Variants in TEX26 observed in about 807,000 individuals in gnomAD.
TEX26 encodes testis expressed 26, also known as testis-expressed protein 26.
In TEX26, 34 loss-of-function variants were observed where a neutral mutation model predicts 35.3. That is an observed-to-expected ratio of 0.96 (90% CI 0.73 to 1.28). The LOEUF (loss-of-function observed/expected upper bound fraction) is 1.28, where lower values mean the gene tolerates loss of function less well. Among genes scored for constraint, TEX26 ranks in the 50% most tolerant of loss-of-function variants. TEX26 has a pLI of 0.00. For missense variants in TEX26, 371 were observed against 330.1 expected, an observed-to-expected ratio of 1.12 and a Z score of -0.96; for synonymous variants, 136 against 111.8, an observed-to-expected ratio of 1.22 and a Z score of -1.36.
chr13:30,935,742 G>GAA (rs1953250944), intron 1 of TEX26, among the ~76,000 whole-genome samples: 1 of 152,216 alleles, frequency 6.6e-6, no homozygotes, highest in South Asian at 2.1e-4. Context: ...CGGATGACCT[G>GAA]CCTACAGAGA....
intron 6 of TEX26, among the ~76,000 whole-genome samples, chr13:30,972,674 A>T (rs1247356539): frequency 6.6e-6 from 1 of 152,208 alleles, no homozygotes; most frequent in Non-Finnish European, 1.5e-5. Flanking sequence ...TCCCTCTGTC[A>T]CCCAGGCTGG....
intron 2 of TEX26, among the ~76,000 whole-genome samples, chr13:30,950,018 T>G (rs1442013118): frequency 6.6e-6 from 1 of 152,216 alleles, no homozygotes; most frequent in Non-Finnish European, 1.5e-5. Context: ...AGAATAAAAT[T>G]TAAATACTTT....
At chr13:30,967,520 C>T (rs4245314) in intron 5 of TEX26, among the ~76,000 whole-genome samples, 103,697 of 152,046 alleles carry the variant, frequency 0.68, 35,831 homozygotes, top group African/African-American at 0.8. Context: ...AATCTATGAC[C>T]CTACAAAAAC....
chr13:30,938,422 G>A (rs537888077), intron 1 of TEX26, among the ~76,000 whole-genome samples: 1 of 152,302 alleles, frequency 6.6e-6, no homozygotes, highest in Admixed American at 6.5e-5. Context: ...CAAGAGCATG[G>A]CACTGGCATT....
intron 4 of TEX26, among the ~76,000 whole-genome samples, chr13:30,957,466 A>G (rs1954181780): frequency 6.6e-6 from 1 of 152,226 alleles, no homozygotes; most frequent in Non-Finnish European, 1.5e-5. Context: ...AGGGCATTAC[A>G]GGGCATACTA....
chr13:30,975,042 T>C lies in TEX26; in HGVS notation c.*135T>C, dbSNP rs988049543. ...GTATGATGTGATAGTCATGAATTTG[T>C]GTCTTTTGCTCCGCTTTATTTTTAA... On this transcript the variant is annotated 3_prime_UTR_variant, in exon 7 of 7. Transcript: ENST00000380473. 1 of 584,196 alleles carries C rather than the reference T, an allele frequency of 1.7e-6. No individual in the cohort carries two copies. Among genetic ancestry groups the C allele is most frequent in the African/African-American group, 2.0e-5 (1 of 50,936 alleles). The allele number at this position is 584,196 out of a possible 1,614,324, so 36.2% of individuals were successfully genotyped here.
At chr13:30,966,691 G>T (rs921316836) in intron 5 of TEX26, among the ~76,000 whole-genome samples, 3 of 152,074 alleles carry the variant, frequency 2.0e-5, no homozygotes, top group Non-Finnish European at 4.4e-5. Flanking sequence ...CACCTGCCTC[G>T]GCCTCCCAAA....
chr13:30,944,836 T>G (rs958529435), intron 2 of TEX26, among the ~76,000 whole-genome samples: 2 of 152,062 alleles, frequency 1.3e-5, no homozygotes, highest in Non-Finnish European at 2.9e-5. Context: ...TGTTTAAAAT[T>G]TATTGAGACT....
chr13:30,966,818 C>A (rs1349124008), intron 5 of TEX26, among the ~76,000 whole-genome samples: 1 of 152,184 alleles, frequency 6.6e-6, no homozygotes, highest in African/African-American at 2.4e-5. Context: ...AGGGCGCTGG[C>A]AGCCCGTTTT....
intron 1 of TEX26, among the ~76,000 whole-genome samples, chr13:30,935,743 C>T (rs1308150242): frequency 2.0e-5 from 3 of 152,230 alleles, no homozygotes; most frequent in Non-Finnish European, 2.9e-5. Flanking sequence ...GGATGACCTG[C>T]CTACAGAGAG....
chr13:30,956,493 G>A (rs757771530), intron 3 of TEX26, among the ~76,000 whole-genome samples: 3 of 152,152 alleles, frequency 2.0e-5, no homozygotes, highest in Admixed American at 6.5e-5. Flanking sequence ...CTGCATGTAA[G>A]GCAGAGTTTT....
intron 1 of TEX26, among the ~76,000 whole-genome samples, chr13:30,935,405 C>A (rs543096853): frequency 1.3e-5 from 2 of 152,374 alleles, no homozygotes; most frequent in Admixed American, 6.5e-5. Flanking sequence ...ACCCATGGAC[C>A]AATCAGCATG....
intron 6 of TEX26, among the ~76,000 whole-genome samples, chr13:30,972,687 C>A (rs112035810): frequency 3.3e-5 from 5 of 152,246 alleles, no homozygotes; most frequent in African/African-American, 1.2e-4. Flanking sequence ...CAGGCTGGAG[C>A]GCAGTGGCGT....
intron 4 of TEX26, among the ~76,000 whole-genome samples, chr13:30,957,707 G>A (rs1381569681): frequency 6.6e-6 from 1 of 152,202 alleles, no homozygotes; most frequent in East Asian, 1.9e-4. Context: ...CAAGGTGGTG[G>A]CATGGGCACT....
intron 2 of TEX26, among the ~76,000 whole-genome samples, chr13:30,941,300 G>T (rs898620769): frequency 6.6e-6 from 1 of 152,174 alleles, no homozygotes; most frequent in African/African-American, 2.4e-5. Flanking sequence ...AGCTATCCCA[G>T]TGAGTCCGTA....
At chr13:30,952,547 T>C (rs1487787660) in intron 2 of TEX26, 113 bp from the exon 3 acceptor site, 19 of 878,036 alleles carry the variant, frequency 2.2e-5, no homozygotes, top group Middle Eastern at 3.6e-4. Flanking sequence ...CACCAACTCT[T>C]ATGCCAATCA....
chr13:30,969,567 T>C (rs1014198758), intron 6 of TEX26, among the ~76,000 whole-genome samples: 1 of 152,136 alleles, frequency 6.6e-6, no homozygotes, highest in African/African-American at 2.4e-5. Flanking sequence ...GTGACTGGAA[T>C]TGATTTGGGG....
chr13:30,949,411 A>T (rs1360685981), intron 2 of TEX26, among the ~76,000 whole-genome samples: 2 of 152,174 alleles, frequency 1.3e-5, no homozygotes, highest in Non-Finnish European at 2.9e-5. Flanking sequence ...TTGTTGTTCA[A>T]ATCAATAAGT....
At chr13:30,974,131 A>AAATATATATATATATATATATAT in intron 6 of TEX26, among the ~76,000 whole-genome samples, 3 of 84,416 alleles carry the variant, frequency 3.6e-5, no homozygotes, top group East Asian at 6.3e-4. Flanking sequence ...AAAAAAAAAA[A>AAATATATATATATATATATATAT]ATATATATAT....
Sources: allele counts gnomAD v4.1 joint callset (sites outside exome capture counted in the v4.1 genomes callset), GRCh38; gene constraint gnomAD v4.1.1; transcripts MANE v1.5; gene names NCBI Gene and HGNC (gene_info 2026-07-23, HGNC 2026-07-21).